PARK7: variants seen among roughly 807,000 people sequenced by gnomAD.
The protein encoded by PARK7 is Parkinson disease protein 7.
PARK7 carries 14 observed loss-of-function variants against 20.5 expected under a neutral mutation model. The observed-to-expected ratio is 0.68, with a 90% CI of 0.45 to 1.07. PARK7 has a LOEUF of 1.07. Among genes scored for constraint, PARK7 ranks in the 50% least tolerant of loss-of-function variants. The pLI, the probability that PARK7 is intolerant of heterozygous loss-of-function variation, is 0.00. For synonymous variants in PARK7, 98 were observed against 84.3 expected (o/e 1.16, Z -0.89); for missense variants, 234 against 238.1 (o/e 0.98, Z 0.11).
At chr1:7,969,761 T>G (rs1048107945) in intron 4 of PARK7, among the ~76,000 whole-genome samples, 9 of 152,122 alleles carry the variant, frequency 5.9e-5, no homozygotes, top group Non-Finnish European at 1.3e-4. Flanking sequence ...TATATTTTTA[T>G]TAGAGACGGG....
At chr1:7,969,469 G>A in intron 4 of PARK7, 65 bp downstream of exon 4, 1 of 1,109,014 alleles carries the variant, frequency 9.0e-7, no homozygotes, top group South Asian at 1.3e-5. Flanking sequence ...AAGAATTTCA[G>A]CATCTGCTTA....
intron 3 of PARK7, 149 bp from the exon 4 acceptor site, chr1:7,969,196 A>T: frequency 1.5e-6 from 1 of 650,310 alleles, no homozygotes; most frequent in African/African-American, 1.8e-5. Context: ...TCATGTGGAT[A>T]CACCTTAATT....
At chr1:7,981,199 T>G (rs562634700) in intron 6 of PARK7, among the ~76,000 whole-genome samples, 1 of 152,164 alleles carries the variant, frequency 6.6e-6, no homozygotes, top group Non-Finnish European at 1.5e-5. Context: ...GTGGGAAGTT[T>G]CCTTAGTGTC....
Position 7,978,392 on chromosome 1 carries a change from G to GT in PARK7, c.409+670dup, listed in dbSNP as rs34698566. 1.5e-3 allele frequency among the ~76,000 whole-genome samples: 210 copies of GT among 136,256 alleles called. 1 individual carries two copies. Among genetic ancestry groups the GT allele is most frequent in the Middle Eastern group, 0.013 (3 of 238 alleles). The allele number at this position is 136,256 out of a possible 152,430, so 89.4% of individuals were successfully genotyped here. On this transcript the variant is annotated intron_variant, in intron 6 of 6. Transcript: ENST00000338639. ...CGCCTGGCCCATATGCCTGTGTGTG[G>GT]TTTTTTTTTTTTTTTTGAGATGGAG... is the stretch of plus-strand genomic sequence containing the variant.
chr1:7,968,003 C>CT (rs1286439058), intron 3 of PARK7, among the ~76,000 whole-genome samples: 1 of 151,720 alleles, frequency 6.6e-6, no homozygotes, highest in Non-Finnish European at 1.5e-5. Flanking sequence ...TTTTTAACCA[C>CT]TTTTTAAAGT....
chr1:7,980,261 T>TA (rs1640683593), intron 6 of PARK7, among the ~76,000 whole-genome samples: 1 of 152,124 alleles, frequency 6.6e-6, no homozygotes. Flanking sequence ...GGAGGGATTT[T>TA]AGAGCGTTGA....
At chr1:7,972,624 C>T (rs1010011205) in intron 5 of PARK7, among the ~76,000 whole-genome samples, 11 of 152,126 alleles carry the variant, frequency 7.2e-5, no homozygotes, top group Non-Finnish European at 1.2e-4. Context: ...AAGTAATTGG[C>T]GTGGCACAGT....
Position 7,963,153 on chromosome 1 carries a change from T to G in PARK7, c.90+278T>G, listed in dbSNP as rs1013688842. On this transcript the variant is annotated intron_variant, in intron 2 of 6. Transcript: ENST00000338639. Reference sequence around the variant, plus strand: ...ATCTTGGCTCATTTCGGTCTCTGCCTCCTGGGCCCAAACCATCTTCCCACC... The same window carrying G: ...ATCTTGGCTCATTTCGGTCTCTGCCGCCTGGGCCCAAACCATCTTCCCACC... Among the ~76,000 whole-genome samples, 4 of 152,258 alleles carry G rather than the reference T, an allele frequency of 2.6e-5. No individual in the cohort carries two copies. The East Asian group carries it at 7.7e-4, about 29-fold the overall frequency.
In PARK7 at chr1:7,965,443, G is replaced by A. The variant is rs1363592511; in HGVS notation, c.192+18G>A. On this transcript the variant is annotated intron_variant, in intron 3 of 6. Transcript: ENST00000338639. ...AAAAAGAGGTTTGTAATCCATACATGGAGTTATTCCTTCATATGGCTTCTT... is the reference window on the plus strand; with the variant it reads ...AAAAAGAGGTTTGTAATCCATACATAGAGTTATTCCTTCATATGGCTTCTT... 2.5e-6 allele frequency: 4 copies of A among 1,600,552 alleles called. No homozygotes were observed. Among genetic ancestry groups the A allele is most frequent in the Non-Finnish European group, 3.4e-6 (4 of 1,167,692 alleles).
intron 6 of PARK7, among the ~76,000 whole-genome samples, chr1:7,978,473 A>G (rs1237025294): frequency 2.7e-5 from 4 of 146,136 alleles, no homozygotes; most frequent in East Asian, 2.0e-4. Context: ...GCTCACTGCA[A>G]CCTCCGCCTC....
chr1:7,983,296 G>C (rs1640750080), intron 6 of PARK7, among the ~76,000 whole-genome samples: 1 of 152,228 alleles, frequency 6.6e-6, no homozygotes, highest in African/African-American at 2.4e-5. Flanking sequence ...CGGTGCATCA[G>C]GATAGAGCAG....
At chr1:7,979,885 A>G (rs1640673774) in intron 6 of PARK7, among the ~76,000 whole-genome samples, 1 of 152,182 alleles carries the variant, frequency 6.6e-6, no homozygotes. Context: ...TGCTGGATGC[A>G]GTGACTCACG....
chr1:7,964,703 A>C (rs1640289516), intron 2 of PARK7, among the ~76,000 whole-genome samples: 1 of 152,220 alleles, frequency 6.6e-6, no homozygotes, highest in South Asian at 2.1e-4. Context: ...GCAGTGTAGG[A>C]AAATTCCCAC....
intron 6 of PARK7, among the ~76,000 whole-genome samples, chr1:7,978,353 G>A (rs1640631131): frequency 6.7e-6 from 1 of 150,218 alleles, no homozygotes; most frequent in South Asian, 2.1e-4. Context: ...TGGGATTACA[G>A]GTGTTAGCCA....
chr1:7,981,651 G>C (rs990823400), intron 6 of PARK7, among the ~76,000 whole-genome samples: 1 of 146,194 alleles, frequency 6.8e-6, no homozygotes, highest in African/African-American at 2.5e-5. Flanking sequence ...CCTGTGTCCT[G>C]TGTCTTTTGT....
At chr1:7,965,500 G>A in intron 3 of PARK7, 75 bp downstream of exon 3, 1 of 1,325,310 alleles carries the variant, frequency 7.5e-7, no homozygotes. Context: ...AGTGTTGTTA[G>A]CACAGACTCA....
intron 3 of PARK7, 60 bp downstream of exon 3, chr1:7,965,485 T>C: frequency 6.8e-7 from 1 of 1,460,276 alleles, no homozygotes; most frequent in South Asian, 1.1e-5. Context: ...TTGAAATGTC[T>C]TAAGAGTGTT....
chr1:7,979,213 A>G (rs1640660077), intron 6 of PARK7, among the ~76,000 whole-genome samples: 1 of 152,150 alleles, frequency 6.6e-6, no homozygotes, highest in Non-Finnish European at 1.5e-5. Context: ...TGCACTTTTC[A>G]TTATACTGCA....
chr1:7,965,267 G>T, intron 2 of PARK7, 57 bp from the exon 3 acceptor site: 1 of 1,478,228 alleles, frequency 6.8e-7, no homozygotes, highest in Non-Finnish European at 9.5e-7. Flanking sequence ...TTTAAAGACA[G>T]TGTTACTCTG....
Sources: allele counts gnomAD v4.1 joint callset (sites outside exome capture counted in the v4.1 genomes callset), GRCh38; gene constraint gnomAD v4.1.1; transcripts MANE v1.5; gene names NCBI Gene and HGNC (gene_info 2026-07-23, HGNC 2026-07-21).